KMT2C: variants seen among roughly 807,000 people sequenced by gnomAD.
KMT2C encodes the protein histone-lysine N-methyltransferase 2C.
In KMT2C, 88 loss-of-function variants were observed where a neutral mutation model predicts 507.9. The ratio of observed to expected loss-of-function variants is 0.17; its 90% CI spans 0.15 to 0.21. KMT2C has a LOEUF of 0.21. Ranked by LOEUF, KMT2C falls within the 10% of genes least tolerant of loss-of-function variation. KMT2C has a pLI of 1.00. For missense variants in KMT2C, 4,954 were observed against 5,957.8 expected, an observed-to-expected ratio of 0.83 and a Z score of 5.55; for synonymous variants, 2,049 against 2,080.8, an observed-to-expected ratio of 0.98 and a Z score of 0.42.
chr7:152,370,144 A>C (rs1227353031), intron 1 of KMT2C, among the ~76,000 whole-genome samples: 6 of 151,618 alleles, frequency 4.0e-5, no homozygotes, highest in African/African-American at 1.5e-4. Flanking sequence ...CAGTGAGCCG[A>C]GATCACACAA....
intron 58 of KMT2C, chr7:152,137,893 C>T (rs917826109): frequency 8.5e-5 from 13 of 152,168 alleles, no homozygotes; most frequent in African/African-American, 3.1e-4. Flanking sequence ...AGATGTATAA[C>T]GGGCCTTGGG....
chr7:152,390,372 C>T (rs1337403392), intron 1 of KMT2C, among the ~76,000 whole-genome samples: 1 of 152,306 alleles, frequency 6.6e-6, no homozygotes. Flanking sequence ...TAAATTTTTA[C>T]CAGTTCCACA....
chr7:152,384,081 T>C (rs1464530641), intron 1 of KMT2C, among the ~76,000 whole-genome samples: 1 of 151,678 alleles, frequency 6.6e-6, no homozygotes, highest in Non-Finnish European at 1.5e-5. Flanking sequence ...CGTGTGCATG[T>C]AGATGAAGGA....
intron 33 of KMT2C, among the ~76,000 whole-genome samples, chr7:152,186,692 C>T (rs1275518958): frequency 6.6e-6 from 1 of 152,112 alleles, no homozygotes; most frequent in African/African-American, 2.4e-5. Context: ...TGTCTGATAC[C>T]ATGAACTCAA....
At chr7:152,376,705 A>G (rs1249583886) in intron 1 of KMT2C, among the ~76,000 whole-genome samples, 2 of 152,266 alleles carry the variant, frequency 1.3e-5, no homozygotes, top group African/African-American at 2.4e-5. Context: ...TGCTCTCGTC[A>G]TAACATAAAA....
chr7:152,255,137 A>ATG (rs2095635174), intron 9 of KMT2C, among the ~76,000 whole-genome samples: 1 of 127,692 alleles, frequency 7.8e-6, no homozygotes, highest in African/African-American at 3.2e-5. Context: ...ATATATATAT[A>ATG]TATATATACA....
intron 2 of KMT2C, among the ~76,000 whole-genome samples, chr7:152,334,456 AAAAG>A (rs755514035): frequency 1.3e-5 from 2 of 152,220 alleles, no homozygotes; most frequent in African/African-American, 4.8e-5. Flanking sequence ...CCGTCTCAAA[AAAAG>A]AAAGAAAGAA....
chr7:152,383,468 T>C (rs1325734787), intron 1 of KMT2C, among the ~76,000 whole-genome samples: 2 of 152,112 alleles, frequency 1.3e-5, no homozygotes, highest in Non-Finnish European at 2.9e-5. Context: ...CCAGAAATCC[T>C]AGGAAAAACT....
intron 26 of KMT2C, among the ~76,000 whole-genome samples, chr7:152,201,927 C>A (rs751370883): frequency 2.9e-4 from 44 of 152,024 alleles, no homozygotes; most frequent in Non-Finnish European, 5.0e-4. Context: ...GTGTTTAAAT[C>A]CTGACTTTAT....
At chr7:152,425,436 C>T (rs1315397254) in intron 1 of KMT2C, among the ~76,000 whole-genome samples, 2 of 151,938 alleles carry the variant, frequency 1.3e-5, no homozygotes, top group South Asian at 2.1e-4. Context: ...ATTAGCCAGG[C>T]GTGGTGGAGG....
At chr7:152,220,128 T>C (rs2094719895) in intron 23 of KMT2C, 1 of 189,548 alleles carries the variant, frequency 5.3e-6, no homozygotes, top group African/African-American at 2.4e-5. Context: ...TGAAGTAACA[T>C]TAAATGACAG....
chr7:152,219,433 A>G (rs1167243889), intron 23 of KMT2C, among the ~76,000 whole-genome samples: 2 of 152,148 alleles, frequency 1.3e-5, no homozygotes, highest in Non-Finnish European at 1.5e-5. Context: ...TCTGACATAC[A>G]GTAGATATTC....
chr7:152,224,057 T>C lies in KMT2C; in HGVS notation c.3281A>G (p.Tyr1094Cys). ...TTGCAGAATAAGATCTTCTTCTCTA[T>C]AGTTTCGATAGCAGACTGGACAGGA... is the stretch of plus-strand genomic sequence containing the variant. ...LSSCPVCYRNYREEDLILQCR... is the reference protein window; with the variant it reads ...LSSCPVCYRNCREEDLILQCR... The change falls in exon 20 of 59, where the codon TAT becomes TGT. Residue 1094 changes from tyrosine (Y) to cysteine (C), a missense_variant. Physicochemically the swap from Tyr to Cys is radical, Grantham distance 194. Transcript: ENST00000262189. 6.2e-7 allele frequency: 1 copy of C among 1,611,282 alleles called. No individual in the cohort carries two copies. Among genetic ancestry groups the C allele is most frequent in the Non-Finnish European group, 8.5e-7 (1 of 1,179,214 alleles).
At chr7:152,433,622 TAC>T (rs1442082150) in intron 1 of KMT2C, among the ~76,000 whole-genome samples, 11 of 152,286 alleles carry the variant, frequency 7.2e-5, no homozygotes, top group Non-Finnish European at 8.8e-5. Context: ...AAAAGCTCTC[TAC>T]AGACTTACAT....
chr7:152,333,265 G>C (rs1233851439), intron 2 of KMT2C, among the ~76,000 whole-genome samples: 1 of 152,016 alleles, frequency 6.6e-6, no homozygotes, highest in Non-Finnish European at 1.5e-5. Flanking sequence ...CCAAGCAGCT[G>C]GGACCACAGG....
chr7:152,163,419 A>G lies in KMT2C; in HGVS notation c.10158T>C (p.Asp3386=). The part of the protein sequence containing the change: ...QSGPPPRVEF[D]DNNPFSESFQ... ...AACTTTCACTAAAGGGATTGTTGTCATCAAATTCTACCCGAGGTGGTGGTC... is the reference window on the plus strand; with the variant it reads ...AACTTTCACTAAAGGGATTGTTGTCGTCAAATTCTACCCGAGGTGGTGGTC... Residue 3386 remains aspartate, a synonymous_variant, in exon 43 of 59, where the codon GAT becomes GAC. Transcript: ENST00000262189. The G allele has an allele frequency of 6.2e-7, 1 of 1,614,202 alleles. No homozygotes were observed. The highest frequency in any genetic ancestry group is 8.5e-7 in the Non-Finnish European group (1 of 1,180,044).
intron 2 of KMT2C, among the ~76,000 whole-genome samples, chr7:152,332,806 C>T (rs2096895845): frequency 6.6e-6 from 1 of 150,930 alleles, no homozygotes; most frequent in South Asian, 2.1e-4. Flanking sequence ...CGAGATCATG[C>T]CATTGCACTC....
intron 1 of KMT2C, among the ~76,000 whole-genome samples, chr7:152,399,769 G>C (rs2097560472): frequency 6.6e-6 from 1 of 152,058 alleles, no homozygotes; most frequent in Non-Finnish European, 1.5e-5. Flanking sequence ...AACATTTTCA[G>C]AGACTCAAGA....
intron 6 of KMT2C, among the ~76,000 whole-genome samples, chr7:152,306,673 C>A (rs1169671589): frequency 6.6e-6 from 1 of 152,184 alleles, no homozygotes; most frequent in African/African-American, 2.4e-5. Context: ...TTAGGTATCA[C>A]CAAATTTCCC....
Sources: allele counts gnomAD v4.1 joint callset (sites outside exome capture counted in the v4.1 genomes callset), GRCh38; gene constraint gnomAD v4.1.1; transcripts MANE v1.5; gene names NCBI Gene and HGNC (gene_info 2026-07-23, HGNC 2026-07-21).